POLB: variants seen among roughly 807,000 people sequenced by gnomAD.
POLB encodes the protein 5'-dRP lyase.
Under a neutral mutation model 52.7 loss-of-function variants are expected in POLB, and 37 were observed. The observed-to-expected ratio is 0.70, with a 90% CI of 0.54 to 0.92. POLB has a LOEUF of 0.92. Among genes scored for constraint, POLB ranks in the 40% least tolerant of loss-of-function variants. The probability of loss-of-function intolerance (pLI) is 0.00; values close to 1 mark genes in which losing one functional copy is unlikely to be tolerated. For synonymous variants in POLB, 138 were observed against 131.3 expected, an observed-to-expected ratio of 1.05 and a Z score of -0.35; for missense variants, 313 against 400.8, an observed-to-expected ratio of 0.78 and a Z score of 1.87.
chr8:42,348,457 A>G (rs550759455), intron 3 of POLB, among the ~76,000 whole-genome samples: 31 of 152,228 alleles, frequency 2.0e-4, no homozygotes, highest in Non-Finnish European at 4.1e-4. Flanking sequence ...TGGAATGTGC[A>G]GTTCCAGAGC....
At chr8:42,360,780 C>T (rs1823626979) in intron 9 of POLB, among the ~76,000 whole-genome samples, 2 of 151,638 alleles carry the variant, frequency 1.3e-5, no homozygotes, top group Non-Finnish European at 2.9e-5. Flanking sequence ...GCCTGGATCT[C>T]TCTGTGTTGA....
intron 13 of POLB, 188 bp downstream of exon 13, chr8:42,370,176 A>G: frequency 2.9e-6 from 2 of 682,324 alleles, no homozygotes; most frequent in African/African-American, 1.8e-5. Flanking sequence ...GTTGAAGGCC[A>G]TCAAGGCAAG....
chr8:42,338,509 G>A lies in POLB; in HGVS notation c.-116G>A. The A allele has an allele frequency of 1.1e-6, 1 of 869,652 alleles. No homozygotes were observed. The highest frequency in any genetic ancestry group is 1.4e-5 in the South Asian group (1 of 72,002). 53.9% of individuals were successfully genotyped at this position (869,652 alleles called of 1,614,324 possible). Reference sequence around the variant, plus strand: ...GGGGGCAACCATTGTTCCGCCGGTCGCGCCGGAGCTGGGTTGCTCCTGCTC... The same window carrying A: ...GGGGGCAACCATTGTTCCGCCGGTCACGCCGGAGCTGGGTTGCTCCTGCTC... On this transcript the variant is annotated 5_prime_UTR_variant, in exon 1 of 14. Coordinates refer to ENST00000265421, the MANE Select transcript of POLB (RefSeq NM_002690.3).
chr8:42,353,204 G>T (rs1178568730), intron 6 of POLB, among the ~76,000 whole-genome samples: 16 of 147,642 alleles, frequency 1.1e-4, no homozygotes, highest in African/African-American at 3.5e-4. Context: ...TGCCTCCCAG[G>T]TTCATGCCAT....
Position 42,360,009 on chromosome 8 carries a change from G to T in POLB, c.551-1286G>T, listed in dbSNP as rs1420642838. Among the ~76,000 whole-genome samples, 5 of 151,420 alleles carry T rather than the reference G, an allele frequency of 3.3e-5. No individual in the cohort carries two copies. The East Asian group carries it at 9.8e-4, about 30-fold the overall frequency. On this transcript the variant is annotated intron_variant, in intron 9 of 13. Transcript: ENST00000265421. The stretch of plus-strand genomic sequence containing the variant: ...GTCGCCCAGGCTGGAGTGCAGTGGT[G>T]TGATCTCAGCTCACTGCAACTTCCA...
chr8:42,370,910 GC>G (rs1454251412), intron 13 of POLB, among the ~76,000 whole-genome samples: 1 of 152,242 alleles, frequency 6.6e-6, no homozygotes, highest in Non-Finnish European at 1.5e-5. Context: ...GGTTGGATAA[GC>G]TTGTTCTAGA....
intron 2 of POLB, chr8:42,339,544 T>C (rs1462860166): frequency 6.5e-6 from 1 of 154,256 alleles, no homozygotes; most frequent in East Asian, 1.9e-4. Context: ...TCCACCTGCT[T>C]CTACTCCTTA....
chr8:42,338,507 T>G lies in POLB; in HGVS notation c.-118T>G. ...TCGGGGGCAACCATTGTTCCGCCGGTCGCGCCGGAGCTGGGTTGCTCCTGC... is the reference window on the plus strand; with the variant it reads ...TCGGGGGCAACCATTGTTCCGCCGGGCGCGCCGGAGCTGGGTTGCTCCTGC... On this transcript the variant is annotated 5_prime_UTR_variant, in exon 1 of 14. Coordinates refer to ENST00000265421, the MANE Select transcript of POLB (RefSeq NM_002690.3). The G allele has an allele frequency of 1.2e-6, 1 of 849,442 alleles. No homozygotes were observed. The highest frequency in any genetic ancestry group is 1.4e-5 in the South Asian group (1 of 71,654). The allele number at this position is 849,442 out of a possible 1,614,324, so 52.6% of individuals were successfully genotyped here.
intron 6 of POLB, 200 bp from the exon 7 acceptor site, chr8:42,355,316 G>T: frequency 2.3e-6 from 1 of 434,590 alleles, no homozygotes; most frequent in Admixed American, 3.7e-5. Context: ...GGGATTACAG[G>T]TGTGAGCCAC....
intron 11 of POLB, among the ~76,000 whole-genome samples, chr8:42,364,702 GT>G (rs1302652545): frequency 6.6e-6 from 1 of 152,172 alleles, no homozygotes; most frequent in Admixed American, 6.5e-5. Flanking sequence ...TTTGACAAGA[GT>G]TTTAGCCAAA....
intron 6 of POLB, among the ~76,000 whole-genome samples, chr8:42,354,024 G>A (rs1823146421): frequency 1.3e-5 from 2 of 152,112 alleles, no homozygotes; most frequent in Admixed American, 1.3e-4. Context: ...GATGCCTGTG[G>A]TATAGACAGC....
At chr8:42,363,275 TC>T (rs1823827748) in intron 11 of POLB, among the ~76,000 whole-genome samples, 2 of 151,964 alleles carry the variant, frequency 1.3e-5, no homozygotes, top group Admixed American at 1.3e-4. Flanking sequence ...GGTGGTGTAG[TC>T]CCAGCTCTTT....
chr8:42,348,166 G>A (rs776043235), intron 3 of POLB, among the ~76,000 whole-genome samples: 1 of 152,092 alleles, frequency 6.6e-6, no homozygotes, highest in Non-Finnish European at 1.5e-5. Flanking sequence ...CCACTTTGAC[G>A]TATGTTTCCT....
At chr8:42,352,333 G>A (rs976612163) in intron 5 of POLB, among the ~76,000 whole-genome samples, 186 bp from the exon 6 acceptor site, 2 of 152,170 alleles carry the variant, frequency 1.3e-5, no homozygotes, top group Non-Finnish European at 2.9e-5. Context: ...ATTCATAGTT[G>A]TCTTCCTAAT....
At position 42,338,532 on chromosome 8, in the gene POLB, C is replaced by G. The variant is rs920775460; in HGVS notation, c.-93C>G. On this transcript the variant is annotated 5_prime_UTR_variant, in exon 1 of 14. Coordinates refer to ENST00000265421, the MANE Select transcript of POLB (RefSeq NM_002690.3). Reference sequence around the variant, plus strand: ...TCGCGCCGGAGCTGGGTTGCTCCTGCTCCCGTCTCCAAGTCCTGGTACCTC... The same window carrying G: ...TCGCGCCGGAGCTGGGTTGCTCCTGGTCCCGTCTCCAAGTCCTGGTACCTC... The G allele has an allele frequency of 8.7e-6, 10 of 1,152,336 alleles. No homozygotes were observed. The highest frequency in any genetic ancestry group is 1.3e-5 in the Non-Finnish European group (10 of 762,348). 71.4% of individuals were successfully genotyped at this position (1,152,336 alleles called of 1,614,324 possible). A position where few individuals can be genotyped will look rare whatever the true frequency, so the allele number is the denominator to read the frequency against.
intron 5 of POLB, among the ~76,000 whole-genome samples, chr8:42,350,777 A>C (rs893241757): frequency 6.6e-6 from 1 of 152,190 alleles, no homozygotes; most frequent in African/African-American, 2.4e-5. Context: ...TTATTCTAAA[A>C]CATATTAAAT....
chr8:42,339,210 C>T, intron 2 of POLB, 141 bp downstream of exon 2: 6 of 705,906 alleles, frequency 8.5e-6, no homozygotes, highest in Non-Finnish European at 1.6e-5. Context: ...TGGTACCTTA[C>T]TATTTCTTGA....
chr8:42,368,696 T>G (rs1408929857), intron 11 of POLB, among the ~76,000 whole-genome samples: 5 of 152,204 alleles, frequency 3.3e-5, no homozygotes, highest in African/African-American at 1.2e-4. Context: ...TTTTCTGATC[T>G]CATATTTTTC....
chr8:42,361,070 A>G (rs3136767), intron 9 of POLB: 3 of 676,292 alleles, frequency 4.4e-6, no homozygotes, highest in Admixed American at 4.1e-5. Flanking sequence ...ATGTATATCT[A>G]ATGCCAATTA....
Sources: allele counts gnomAD v4.1 joint callset (sites outside exome capture counted in the v4.1 genomes callset), GRCh38; gene constraint gnomAD v4.1.1; transcripts MANE v1.5; gene names NCBI Gene and HGNC (gene_info 2026-07-23, HGNC 2026-07-21).